The following PRKCB variants were observed in gnomAD, a reference collection of about 807,000 sequenced individuals.
PRKCB encodes the protein protein kinase C beta, also known as protein kinase C beta type.
Under a neutral mutation model 81.5 loss-of-function variants are expected in PRKCB, and 13 were observed. The ratio of observed to expected loss-of-function variants is 0.16; its 90% CI spans 0.10 to 0.25. The LOEUF is 0.25. Among genes scored for constraint, PRKCB ranks in the 10% least tolerant of loss-of-function variants. The pLI is 1.00. For missense variants in PRKCB, 509 were observed against 875.7 expected (o/e 0.58, Z 5.29); for synonymous variants, 335 against 321.4 (o/e 1.04, Z -0.45).
chr16:24,188,106 C>G (rs1384029290), intron 15 of PRKCB, among the ~76,000 whole-genome samples: 2 of 152,194 alleles, frequency 1.3e-5, no homozygotes, highest in Non-Finnish European at 2.9e-5. Context: ...CAGCTGCCTT[C>G]AGCTCCTGCT....
At chr16:24,151,906 A>G in intron 9 of PRKCB, 1 of 454,716 alleles carries the variant, frequency 2.2e-6, no homozygotes, top group East Asian at 7.0e-5. Context: ...TGAAGGGGGA[A>G]ATTCCCAGCC....
In PRKCB at chr16:23,877,612, G is replaced by A. The variant is rs533002706; in HGVS notation, c.205+40206G>A. On this transcript the variant is annotated intron_variant, in intron 2 of 16. Transcript: ENST00000643927. ...GCCGCACTGTCAAAACTCTCTTTCT[G>A]TGCATTTGTCTGGGCCACTCAACTC... Among the ~76,000 whole-genome samples, 6 of 152,262 alleles carry A rather than the reference G, an allele frequency of 3.9e-5. No homozygotes were observed. In the South Asian group the frequency reaches 1.2e-3, roughly 32 times the overall value.
chr16:24,112,502 C>T (rs537353105), intron 7 of PRKCB, among the ~76,000 whole-genome samples: 1 of 152,150 alleles, frequency 6.6e-6, no homozygotes, highest in Non-Finnish European at 1.5e-5. Context: ...TGCACTATTG[C>T]ACTCCAGCCT....
chr16:24,026,249 C>T (rs769936030), intron 3 of PRKCB, among the ~76,000 whole-genome samples: 4 of 152,164 alleles, frequency 2.6e-5, no homozygotes, highest in South Asian at 2.1e-4. Context: ...GAGCTATGAT[C>T]GCACCACTGC....
At chr16:23,950,072 T>C (rs1964256108) in intron 2 of PRKCB, among the ~76,000 whole-genome samples, 1 of 141,894 alleles carries the variant, frequency 7.0e-6, no homozygotes, top group African/African-American at 2.6e-5. Flanking sequence ...GGATGTGGCC[T>C]CCCCAGTGGC....
intron 2 of PRKCB, among the ~76,000 whole-genome samples, chr16:23,907,774 T>C (rs1183224368): frequency 6.6e-6 from 1 of 152,062 alleles, no homozygotes; most frequent in Non-Finnish European, 1.5e-5. Flanking sequence ...GAACAGAGGT[T>C]CCCACCTAGC....
chr16:24,044,622 C>T (rs1392937739), intron 5 of PRKCB, among the ~76,000 whole-genome samples: 3 of 152,212 alleles, frequency 2.0e-5, no homozygotes, highest in Admixed American at 2.0e-4. Context: ...CCAAACTGGC[C>T]TGCTGCCTGT....
intron 13 of PRKCB, 89 bp from the exon 14 acceptor site, chr16:24,185,022 C>A: frequency 9.1e-7 from 1 of 1,099,780 alleles, no homozygotes; most frequent in Non-Finnish European, 1.4e-6. Context: ...CAGGTGGGCA[C>A]TGGCCTTCTT....
chr16:24,171,578 C>T (rs1967442065), intron 10 of PRKCB, among the ~76,000 whole-genome samples: 1 of 152,094 alleles, frequency 6.6e-6, no homozygotes, highest in Admixed American at 6.6e-5. Context: ...TAAAGGCTGG[C>T]TACTACAGCT....
chr16:23,932,753 G>T (rs1963997180), intron 2 of PRKCB, among the ~76,000 whole-genome samples: 1 of 152,226 alleles, frequency 6.6e-6, no homozygotes, highest in South Asian at 2.1e-4. Flanking sequence ...ATCCTGCATT[G>T]AAGTCAAACT....
intron 3 of PRKCB, 142 bp from the exon 4 acceptor site, chr16:24,031,994 C>T (rs569689466): frequency 1.7e-6 from 1 of 581,998 alleles, no homozygotes; most frequent in Non-Finnish European, 3.1e-6. Context: ...GCACAGGGCT[C>T]CAGCGATGGT....
chr16:24,214,516 A>G, intron 16 of PRKCB, 142 bp from the exon 17 acceptor site: 1 of 720,824 alleles, frequency 1.4e-6, no homozygotes, highest in Non-Finnish European at 2.3e-6. Context: ...ATTTCTGATC[A>G]TTTGAAACAA....
intron 3 of PRKCB, among the ~76,000 whole-genome samples, chr16:23,989,419 G>A (rs1161158183): frequency 2.0e-5 from 3 of 152,212 alleles, no homozygotes; most frequent in African/African-American, 2.4e-5. Context: ...GCCCAGGAAT[G>A]AGGAGGAAAT....
chr16:24,174,219 T>G (rs1287091199), intron 11 of PRKCB: 1 of 282,814 alleles, frequency 3.5e-6, no homozygotes, highest in Non-Finnish European at 6.6e-6. Context: ...CTCACTATGT[T>G]GCCCAGCTAG....
At chr16:24,083,659 G>A (rs1966277386) in intron 5 of PRKCB, among the ~76,000 whole-genome samples, 1 of 152,180 alleles carries the variant, frequency 6.6e-6, no homozygotes, top group Admixed American at 6.5e-5. Context: ...CAGATCGGTG[G>A]TTGCCAGGGG....
intron 2 of PRKCB, among the ~76,000 whole-genome samples, chr16:23,970,911 C>T (rs977705294): frequency 6.6e-6 from 1 of 152,152 alleles, no homozygotes; most frequent in Non-Finnish European, 1.5e-5. Flanking sequence ...ATTGGACTCT[C>T]CTCTGAGGGA....
intron 2 of PRKCB, among the ~76,000 whole-genome samples, chr16:23,933,806 C>CCATT (rs1964015852): frequency 6.9e-6 from 1 of 145,576 alleles, no homozygotes; most frequent in African/African-American, 2.6e-5. Context: ...ATCCATCCAT[C>CCATT]CACCCATCCA....
At chr16:23,922,597 A>G (rs969115534) in intron 2 of PRKCB, among the ~76,000 whole-genome samples, 2 of 152,246 alleles carry the variant, frequency 1.3e-5, no homozygotes, top group Non-Finnish European at 2.9e-5. Flanking sequence ...GGAAATGTCA[A>G]CTTTGAAATA....
intron 16 of PRKCB, among the ~76,000 whole-genome samples, chr16:24,207,687 C>T (rs1263642996): frequency 6.6e-6 from 1 of 152,140 alleles, no homozygotes; most frequent in African/African-American, 2.4e-5. Context: ...TTTCTTTCCT[C>T]TGACGATTCT....
Sources: gnomAD v4.1 joint callset for allele counts (sites outside exome capture counted in the v4.1 genomes callset) on GRCh38, gnomAD v4.1.1 for gene constraint, MANE v1.5 for transcripts, NCBI Gene and HGNC (gene_info 2026-07-23, HGNC 2026-07-21) for gene names.